Variants in TYW1B observed in about 807,000 individuals in gnomAD.
The protein encoded by TYW1B is tRNA-yW synthesizing protein 1 homolog B, also known as S-adenosyl-L-methionine-dependent tRNA 4-demethylwyosine synthase TYW1B.
A neutral mutation model predicts 86.9 loss-of-function variants in TYW1B; 73 were observed. The ratio of observed to expected loss-of-function variants is 0.84; its 90% CI spans 0.70 to 1.02. The LOEUF (loss-of-function observed/expected upper bound fraction) is 1.02. TYW1B is among the 50% of genes least tolerant of loss of function. The probability of loss-of-function intolerance (pLI) is 0.00; values close to 1 mark genes in which losing one functional copy is unlikely to be tolerated. For missense variants in TYW1B, 637 were observed against 827.4 expected (o/e 0.77, Z 2.82); for synonymous variants, 248 against 292.8 (o/e 0.85, Z 1.56).
In TYW1B at chr7:72,696,739, A is replaced by T. The variant is rs1814329223; in HGVS notation, c.1371-1917T>A. On this transcript the variant is annotated intron_variant, in intron 10 of 13. Transcript: ENST00000620995. ...GCTTAGTGATATATAGAAAAATCAC[A>T]AGTGTCTAGACTTCTGTTCACTTCT... Among the ~76,000 whole-genome samples, 3 of 152,276 alleles carry T rather than the reference A, an allele frequency of 2.0e-5. No individual in the cohort carries two copies. In the South Asian group the frequency reaches 6.2e-4, roughly 32 times the overall value.
chr7:72,729,047 C>T (rs1787057897), intron 8 of TYW1B, 116 bp from the exon 9 acceptor site: 1 of 903,158 alleles, frequency 1.1e-6, no homozygotes, highest in Non-Finnish European at 1.7e-6. Flanking sequence ...GTTTCCTCCT[C>T]AGAGTTCAAC....
At chr7:72,739,395 G>A (rs1375941384) in intron 8 of TYW1B, among the ~76,000 whole-genome samples, 1 of 151,998 alleles carries the variant, frequency 6.6e-6, no homozygotes, top group Non-Finnish European at 1.5e-5. Flanking sequence ...CACGAGGTGA[G>A]GAGTTCAAGA....
chr7:72,605,918 G>A lies in TYW1B; in HGVS notation c.1785+10754C>T, dbSNP rs375699516. Among the ~76,000 whole-genome samples the A allele has an allele frequency of 4.3e-4, 65 of 152,228 alleles. 3 individuals carry two copies. The South Asian group carries it at 0.013, about 31-fold the overall frequency. ...GGCATTACTGTTCACTAGGAGATGCGAACCCCAACTCTACAGTGGTATAAT... is the reference window on the plus strand; with the variant it reads ...GGCATTACTGTTCACTAGGAGATGCAAACCCCAACTCTACAGTGGTATAAT... On this transcript the variant is annotated intron_variant, in intron 13 of 13. Transcript: ENST00000620995.
intron 1 of TYW1B, 130 bp downstream of exon 1, chr7:72,827,942 A>G: frequency 2.0e-6 from 3 of 1,526,656 alleles, no homozygotes; most frequent in Non-Finnish European, 2.7e-6. Flanking sequence ...AGCGGCGGCT[A>G]GCCGGTGCTG....
At position 72,705,848 on chromosome 7, in the gene TYW1B, G is replaced by A. The variant is rs555612213; in HGVS notation, c.1370+7773C>T. Among the ~76,000 whole-genome samples, 20 of 152,208 alleles carry A rather than the reference G, an allele frequency of 1.3e-4. No individual in the cohort carries two copies. In the South Asian group the frequency reaches 3.5e-3, roughly 27 times the overall value. On this transcript the variant is annotated intron_variant, in intron 10 of 13. Transcript: ENST00000620995. ...CAACAACTTCCTTGCCTTACAACAC[G>A]ATGCCATACAGAGATCTGCTTTTAC...
At chr7:72,810,155 G>A (rs1416748536) in intron 4 of TYW1B, among the ~76,000 whole-genome samples, 27 of 152,132 alleles carry the variant, frequency 1.8e-4, no homozygotes, top group Non-Finnish European at 2.4e-4. Flanking sequence ...GCACATGCCT[G>A]TAATCCCAGC....
At chr7:72,655,540 G>A (rs531942233) in intron 11 of TYW1B, among the ~76,000 whole-genome samples, 33 of 152,122 alleles carry the variant, frequency 2.2e-4, no homozygotes, top group African/African-American at 5.8e-4. Context: ...GCAGCACAAC[G>A]CCAGCCAGAC....
chr7:72,765,871 A>C (rs1363654633), intron 7 of TYW1B, among the ~76,000 whole-genome samples: 1 of 152,136 alleles, frequency 6.6e-6, no homozygotes. Flanking sequence ...TCAAACTACA[A>C]ACCGGAAGAA....
At chr7:72,799,151 CTTTTTTTTTTT>C (rs1309407026) in intron 6 of TYW1B, among the ~76,000 whole-genome samples, 1 of 58,586 alleles carries the variant, frequency 1.7e-5, no homozygotes, top group African/African-American at 6.9e-5. Context: ...CCGGGTCTGC[CTTTTTTTTTTT>C]TTTTTTTTTT....
intron 13 of TYW1B, among the ~76,000 whole-genome samples, chr7:72,590,631 G>A (rs1408380643): frequency 2.6e-5 from 4 of 152,156 alleles, no homozygotes; most frequent in Non-Finnish European, 5.9e-5. Context: ...TTCATACCTC[G>A]GGCTGATCCT....
At chr7:72,827,352 G>A (rs781888779) in intron 1 of TYW1B, among the ~76,000 whole-genome samples, 6 of 152,164 alleles carry the variant, frequency 3.9e-5, no homozygotes, top group Non-Finnish European at 5.9e-5. Flanking sequence ...AGGTTGCAGT[G>A]AGCCAAGATT....
intron 13 of TYW1B, among the ~76,000 whole-genome samples, chr7:72,582,075 ATT>A (rs35167805): frequency 0.27 from 39,300 of 146,040 alleles, 5,428 homozygotes; most frequent in East Asian, 0.56. Flanking sequence ...GGCAAAAAAG[ATT>A]TTTTTTTTTT....
chr7:72,789,571 G>T (rs1788185029), intron 6 of TYW1B, among the ~76,000 whole-genome samples: 1 of 152,178 alleles, frequency 6.6e-6, no homozygotes, highest in East Asian at 1.9e-4. Context: ...ACAAGAGAAA[G>T]ATGCTAATTT....
chr7:72,827,619 T>C lies in TYW1B; in HGVS notation c.4+453A>G, dbSNP rs187063264. Among the ~76,000 whole-genome samples, 3 of 152,258 alleles carry C rather than the reference T, an allele frequency of 2.0e-5. No individual in the cohort carries two copies. In the East Asian group the frequency reaches 5.8e-4, roughly 29 times the overall value. On this transcript the variant is annotated intron_variant, in intron 1 of 13. Transcript: ENST00000620995. The stretch of plus-strand genomic sequence containing the variant: ...TAATTGTTTTGTTGTGCTTGCTCCA[T>C]AAAAAAAGCTTAAGTAGTAAAAGTA...
At chr7:72,689,060 G>A (rs1186075512) in intron 11 of TYW1B, among the ~76,000 whole-genome samples, 1 of 152,112 alleles carries the variant, frequency 6.6e-6, no homozygotes, top group South Asian at 2.1e-4. Context: ...TGTGGATAGG[G>A]GTCCCACGGT....
chr7:72,826,759 C>A lies in TYW1B; in HGVS notation c.135+96G>T. 2.0e-6 allele frequency: 3 copies of A among 1,470,556 alleles called. No homozygotes were observed. In the South Asian group the frequency reaches 4.1e-5, roughly 20 times the overall value. 91.1% of individuals were successfully genotyped at this position (1,470,556 alleles called of 1,614,324 possible). On this transcript the variant is annotated intron_variant, in intron 2 of 13. Coordinates refer to ENST00000620995, the MANE Select transcript of TYW1B (RefSeq NM_001145440.3). ...GGCATTTCATTAAAATGTCTAAAGACCAAACACAAAAGTAATTAAAGGTTC... is the reference window on the plus strand; with the variant it reads ...GGCATTTCATTAAAATGTCTAAAGAACAAACACAAAAGTAATTAAAGGTTC...
chr7:72,692,011 G>A (rs1312639449), intron 11 of TYW1B, among the ~76,000 whole-genome samples: 1 of 151,574 alleles, frequency 6.6e-6, no homozygotes, highest in Admixed American at 6.6e-5. Context: ...TTTGAGACCA[G>A]CCTGGCCAAC....
chr7:72,616,786 C>T lies in TYW1B; in HGVS notation c.1671G>A (p.Val557=). 6.2e-7 allele frequency: 1 copy of T among 1,614,218 alleles called. No homozygotes were observed. Among genetic ancestry groups the T allele is most frequent in the Non-Finnish European group, 8.5e-7 (1 of 1,180,036 alleles). The change falls in exon 13 of 14, where the codon GTG becomes GTA. Residue 557 remains valine (V), a synonymous_variant. Transcript: ENST00000620995. ...ACTGTACCACTTCCTCATGCCAGGG[C>T]ACATGGGCCATGGTAAGACTGCTTG... is the stretch of plus-strand genomic sequence containing the variant. ...SSASSLTMAH[V]PWHEEVVQFV... is the part of the protein sequence containing the mutation.
At chr7:72,746,979 GAC>G (rs1264764568) in intron 7 of TYW1B, among the ~76,000 whole-genome samples, 1 of 152,192 alleles carries the variant, frequency 6.6e-6, no homozygotes, top group Non-Finnish European at 1.5e-5. Context: ...TGAGGTTTAA[GAC>G]ACTCTTTTTT....
Sources: allele counts gnomAD v4.1 joint callset (sites outside exome capture counted in the v4.1 genomes callset), GRCh38; gene constraint gnomAD v4.1.1; transcripts MANE v1.5; gene names NCBI Gene and HGNC (gene_info 2026-07-23, HGNC 2026-07-21).